GRM3: variants seen among roughly 807,000 people sequenced by gnomAD.
The protein encoded by GRM3 is metabotropic glutamate receptor 3.
In GRM3, 26 loss-of-function variants were observed where a neutral mutation model predicts 70.5. The observed-to-expected ratio is 0.37, with a 90% CI of 0.27 to 0.51. The LOEUF (loss-of-function observed/expected upper bound fraction) is 0.51. Ranked by LOEUF, GRM3 falls within the 20% of genes least tolerant of loss-of-function variation. The pLI is 0.93. For missense variants in GRM3, 859 were observed against 1,123.8 expected (o/e 0.76, Z 3.37); for synonymous variants, 443 against 434.9 (o/e 1.02, Z -0.23).
intron 1 of GRM3, among the ~76,000 whole-genome samples, chr7:86,736,432 T>C (rs1795860118): frequency 1.3e-5 from 2 of 152,170 alleles, no homozygotes; most frequent in Admixed American, 1.3e-4. Flanking sequence ...AATCCCAAAA[T>C]AAATAATGTC....
chr7:86,824,745 T>A (rs1366618124), intron 3 of GRM3, among the ~76,000 whole-genome samples: 1 of 152,190 alleles, frequency 6.6e-6, no homozygotes, highest in East Asian at 1.9e-4. Context: ...CATCTCCTGG[T>A]TTTTCAGTAA....
chr7:86,765,084 AG>A lies in GRM3; in HGVS notation c.-60del, dbSNP rs1796567451. The stretch of plus-strand genomic sequence containing the variant: ...CAAAGATCCAGTTTGGAAATGAGAG[AG>A]GACTAGCATGACACATTGGCTCCAC... On this transcript the variant is annotated 5_prime_UTR_variant, in exon 2 of 6. It removes the in-frame stop codon of an upstream open reading frame in the 5' UTR. Coordinates refer to ENST00000361669, the MANE Select transcript of GRM3 (RefSeq NM_000840.3). The A allele has an allele frequency of 2.7e-6, 4 of 1,506,900 alleles. No homozygotes were observed. The Admixed American group carries it at 6.8e-5, about 26-fold the overall frequency. 93.3% of individuals were successfully genotyped at this position (1,506,900 alleles called of 1,614,324 possible).
chr7:86,683,737 A>G (rs1006293491), intron 1 of GRM3, among the ~76,000 whole-genome samples: 4 of 152,186 alleles, frequency 2.6e-5, no homozygotes, highest in African/African-American at 9.6e-5. Flanking sequence ...GTCTTAAGAC[A>G]AAGCATATGC....
At chr7:86,734,797 C>T (rs2116294272) in intron 1 of GRM3, among the ~76,000 whole-genome samples, 1 of 152,156 alleles carries the variant, frequency 6.6e-6, no homozygotes, top group Non-Finnish European at 1.5e-5. Context: ...TTCCATAGTC[C>T]CCTCCTCATC....
intron 3 of GRM3, among the ~76,000 whole-genome samples, chr7:86,834,112 A>G (rs931300854): frequency 1.3e-5 from 2 of 152,180 alleles, no homozygotes; most frequent in Non-Finnish European, 2.9e-5. Context: ...ATACTATTTT[A>G]ACTTTATAAT....
At chr7:86,817,814 C>T (rs1181349347) in intron 3 of GRM3, among the ~76,000 whole-genome samples, 2 of 151,956 alleles carry the variant, frequency 1.3e-5, no homozygotes, top group African/African-American at 4.8e-5. Context: ...TTAGAGAATG[C>T]ACATGAGTAA....
chr7:86,644,612 T>C lies in GRM3; in HGVS notation c.-401T>C. On this transcript the variant is annotated 5_prime_UTR_variant, in exon 1 of 6. Transcript: ENST00000361669. Reference sequence around the variant, plus strand: ...CCCACTGACTCGGATGCCTGGATGTTCTGCCACCGGGCAGTGGTCCAGCGT... The same window carrying C: ...CCCACTGACTCGGATGCCTGGATGTCCTGCCACCGGGCAGTGGTCCAGCGT... 1 of 435,318 alleles carries C rather than the reference T, an allele frequency of 2.3e-6. No individual in the cohort carries two copies. The highest frequency in any genetic ancestry group is 1.7e-5 in the South Asian group (1 of 58,782). 27.0% of individuals were successfully genotyped at this position (435,318 alleles called of 1,614,324 possible). A position where few individuals can be genotyped will look rare whatever the true frequency, so the allele number is the denominator to read the frequency against.
intron 3 of GRM3, among the ~76,000 whole-genome samples, chr7:86,808,298 T>C (rs1797837918): frequency 6.6e-6 from 1 of 152,144 alleles, no homozygotes; most frequent in African/African-American, 2.4e-5. Context: ...TTTCTATTGA[T>C]TGGAATAGTT....
At chr7:86,717,593 G>C (rs1195097661) in intron 1 of GRM3, among the ~76,000 whole-genome samples, 1 of 151,852 alleles carries the variant, frequency 6.6e-6, no homozygotes, top group African/African-American at 2.4e-5. Context: ...CAATAAAAAA[G>C]TATCAAATTC....
chr7:86,786,367 C>G lies in GRM3; in HGVS notation c.575C>G (p.Pro192Arg). 1 of 1,614,172 alleles carries G rather than the reference C, an allele frequency of 6.2e-7. No individual in the cohort carries two copies. Reference protein sequence around the residue: ...SRYDYFARTVPPDFYQAKAMA... With the variant: ...SRYDYFARTVRPDFYQAKAMA... ...TATGATTACTTTGCCAGGACCGTGC[C>G]CCCCGACTTCTACCAGGCCAAAGCC... Residue 192 changes from proline to arginine, a missense_variant, in exon 3 of 6, where the codon CCC becomes CGC. Transcript: ENST00000361669. This position sits in a 1 kb window ranked among gnomAD's most constrained non-coding sequence, Gnocchi z 6.0.
chr7:86,787,083 T>C lies in GRM3; in HGVS notation c.1291T>C (p.Tyr431His). ...GAAGATCCTGGATGGGAAGAAGTTG[T>C]ACAAGGATTACTTGCTGAAAATCAA... is the stretch of plus-strand genomic sequence containing the variant. ...AMKILDGKKL[Y>H]KDYLLKINFT... The change falls in exon 3 of 6, where the codon TAC becomes CAC. Residue 431 changes from tyrosine (Y) to histidine (H), a missense_variant. Tyr to His is a moderately conservative substitution (Grantham distance 83). Coordinates refer to ENST00000361669, the MANE Select transcript of GRM3 (RefSeq NM_000840.3). 6.2e-7 allele frequency: 1 copy of C among 1,607,242 alleles called. No individual in the cohort carries two copies. Among genetic ancestry groups the C allele is most frequent in the Non-Finnish European group, 8.5e-7 (1 of 1,175,224 alleles).
At chr7:86,739,764 A>G (rs753006435) in intron 1 of GRM3, among the ~76,000 whole-genome samples, 4 of 152,250 alleles carry the variant, frequency 2.6e-5, no homozygotes, top group Non-Finnish European at 4.4e-5. Context: ...TTGGAAACTT[A>G]AAAGAAGTAA....
At chr7:86,844,621 G>T (rs1584276451) in intron 4 of GRM3, among the ~76,000 whole-genome samples, 1 of 152,308 alleles carries the variant, frequency 6.6e-6, no homozygotes, top group East Asian at 1.9e-4. Flanking sequence ...TAAATGAGGA[G>T]ACTGGTTAGG....
chr7:86,722,398 T>C (rs1795488708), intron 1 of GRM3, among the ~76,000 whole-genome samples: 1 of 152,068 alleles, frequency 6.6e-6, no homozygotes, highest in Non-Finnish European at 1.5e-5. Flanking sequence ...GTGGTACATA[T>C]ACACCATGGA....
chr7:86,705,623 A>AAG (rs1392101253), intron 1 of GRM3, among the ~76,000 whole-genome samples: 1 of 152,072 alleles, frequency 6.6e-6, no homozygotes, highest in Admixed American at 6.6e-5. Flanking sequence ...TGGCATTAAA[A>AAG]AGAGCACAAG....
intron 2 of GRM3, among the ~76,000 whole-genome samples, chr7:86,783,474 AT>A (rs1433721500): frequency 3.3e-5 from 5 of 152,046 alleles, no homozygotes; most frequent in African/African-American, 1.2e-4. Flanking sequence ...AATATCCACC[AT>A]AAAAAGTTAT....
chr7:86,649,844 C>T (rs913712884), intron 1 of GRM3, among the ~76,000 whole-genome samples: 5 of 151,956 alleles, frequency 3.3e-5, no homozygotes. Context: ...TTGACCAAAA[C>T]AAAATATAGG....
At chr7:86,750,040 G>A (rs1796194278) in intron 1 of GRM3, among the ~76,000 whole-genome samples, 1 of 151,906 alleles carries the variant, frequency 6.6e-6, no homozygotes, top group South Asian at 2.1e-4. Flanking sequence ...TTGCATACAA[G>A]TTCAAAAAAA....
chr7:86,646,006 TGGGG>T (rs1383756914), intron 1 of GRM3, among the ~76,000 whole-genome samples: 6 of 10,644 alleles, frequency 5.6e-4, no homozygotes, highest in Middle Eastern at 0.029. Context: ...GGTGGGGGGG[TGGGG>T]GGGGGTGGGA....
Sources: allele counts gnomAD v4.1 joint callset (sites outside exome capture counted in the v4.1 genomes callset), GRCh38; gene constraint gnomAD v4.1.1; non-coding constraint Gnocchi (gnomAD v3.1); transcripts MANE v1.5; gene names NCBI Gene and HGNC (gene_info 2026-07-23, HGNC 2026-07-21).